The following SERGEF variants were observed in gnomAD, a reference collection of about 807,000 sequenced individuals.
The protein encoded by SERGEF is secretion-regulating guanine nucleotide exchange factor.
A neutral mutation model predicts 50.0 loss-of-function variants in SERGEF; 51 were observed. The ratio of observed to expected loss-of-function variants is 1.02; its 90% CI spans 0.81 to 1.29. The LOEUF is 1.29. Ranked by LOEUF, SERGEF falls within the 50% of genes most tolerant of loss-of-function variation. The probability of loss-of-function intolerance (pLI) is 0.00; values close to 1 mark genes in which losing one functional copy is unlikely to be tolerated. For missense variants in SERGEF, 521 were observed against 557.0 expected (o/e 0.94, Z 0.65); for synonymous variants, 205 against 212.4 (o/e 0.97, Z 0.30).
At chr11:17,840,753 C>A (rs1314827179) in intron 10 of SERGEF, among the ~76,000 whole-genome samples, 1 of 152,190 alleles carries the variant, frequency 6.6e-6, no homozygotes, top group African/African-American at 2.4e-5. Context: ...GAAAAGTCAG[C>A]AGCTCAGCAT....
chr11:17,855,298 A>C (rs1238124879), intron 10 of SERGEF: 1 of 152,158 alleles, frequency 6.6e-6, no homozygotes, highest in Non-Finnish European at 1.5e-5. Flanking sequence ...AGGTAATTTA[A>C]ATTTCATTTT....
intron 8 of SERGEF, among the ~76,000 whole-genome samples, chr11:17,987,495 A>G (rs1481270763): frequency 2.0e-5 from 3 of 152,218 alleles, no homozygotes; most frequent in Non-Finnish European, 2.9e-5. Flanking sequence ...AATCTCTTTG[A>G]GGAAAGTGAC....
chr11:17,890,712 T>A (rs763151638), intron 9 of SERGEF, among the ~76,000 whole-genome samples: 2 of 152,298 alleles, frequency 1.3e-5, no homozygotes, highest in South Asian at 4.1e-4. Context: ...CATGAGCCAC[T>A]GCGCCTAGCT....
intron 9 of SERGEF, among the ~76,000 whole-genome samples, chr11:17,896,732 G>C (rs1233911975): frequency 7.3e-6 from 1 of 136,106 alleles, no homozygotes; most frequent in African/African-American, 2.8e-5. Flanking sequence ...TAACGGAAGG[G>C]TAACGGAAGG....
intron 9 of SERGEF, among the ~76,000 whole-genome samples, chr11:17,901,396 C>T (rs1851746931): frequency 6.6e-6 from 1 of 152,196 alleles, no homozygotes; most frequent in South Asian, 2.1e-4. Flanking sequence ...TAATGGCTCC[C>T]CTGAGCCTAT....
intron 9 of SERGEF, among the ~76,000 whole-genome samples, chr11:17,918,543 G>C (rs758168296): frequency 6.6e-6 from 1 of 151,838 alleles, no homozygotes; most frequent in Non-Finnish European, 1.5e-5. Flanking sequence ...CTATGGAAAA[G>C]GTGCTGTGCC....
chr11:17,860,388 G>A (rs1453192433), intron 10 of SERGEF, among the ~76,000 whole-genome samples: 1 of 152,120 alleles, frequency 6.6e-6, no homozygotes, highest in Non-Finnish European at 1.5e-5. Context: ...TGAGGATGGA[G>A]GGAAGGGAAA....
intron 10 of SERGEF, among the ~76,000 whole-genome samples, chr11:17,826,509 A>C: frequency 6.6e-6 from 1 of 152,238 alleles, no homozygotes; most frequent in East Asian, 1.9e-4. Flanking sequence ...TATTCAAAAT[A>C]GAGTGCCCAG....
chr11:17,948,454 C>A (rs1426535769), intron 9 of SERGEF, among the ~76,000 whole-genome samples: 1 of 152,126 alleles, frequency 6.6e-6, no homozygotes, highest in Non-Finnish European at 1.5e-5. Context: ...CTCGTGCAGA[C>A]CCGATCGTCA....
intron 8 of SERGEF, among the ~76,000 whole-genome samples, chr11:17,973,575 T>A (rs1307838837): frequency 6.6e-6 from 1 of 152,156 alleles, no homozygotes; most frequent in Non-Finnish European, 1.5e-5. Flanking sequence ...TATCCTAGGA[T>A]GCCAATTTGT....
At chr11:17,810,324 C>A (rs1424114646) in intron 10 of SERGEF, among the ~76,000 whole-genome samples, 4 of 152,218 alleles carry the variant, frequency 2.6e-5, no homozygotes, top group Non-Finnish European at 5.9e-5. Flanking sequence ...TCTGTCTATC[C>A]TCACACCTCC....
intron 9 of SERGEF, among the ~76,000 whole-genome samples, chr11:17,907,433 C>T (rs1017871102): frequency 1.1e-4 from 16 of 152,198 alleles, no homozygotes; most frequent in African/African-American, 3.9e-4. Flanking sequence ...CTGAATGTCA[C>T]CAATTGCATT....
At position 18,009,359 on chromosome 11, in the gene SERGEF, C is replaced by A. The variant is rs571644900; in HGVS notation, c.61-1283G>T. Among the ~76,000 whole-genome samples, 11 of 152,282 alleles carry A rather than the reference C, an allele frequency of 7.2e-5. No homozygotes were observed. The South Asian group carries it at 1.9e-3, about 26-fold the overall frequency. On this transcript the variant is annotated intron_variant, in intron 1 of 10. Transcript: ENST00000265965. The stretch of plus-strand genomic sequence containing the variant: ...CTTTCCCTTCTTATGCTCCAGCCCC[C>A]AGGTACTGCCTTTTGGAGACAGCAC...
At chr11:18,000,819 A>G in intron 4 of SERGEF, 1 of 621,452 alleles carries the variant, frequency 1.6e-6, no homozygotes, top group East Asian at 3.5e-5. Flanking sequence ...CATCTAGTCC[A>G]AGAGTTAGTA....
At chr11:17,840,420 C>G (rs1850479047) in intron 10 of SERGEF, among the ~76,000 whole-genome samples, 1 of 152,164 alleles carries the variant, frequency 6.6e-6, no homozygotes, top group Non-Finnish European at 1.5e-5. Context: ...CCTCTGCCCA[C>G]CACCCCCTTC....
At position 17,838,724 on chromosome 11, in the gene SERGEF, G is replaced by A. The variant is rs185514231; in HGVS notation, c.1048+39484C>T. On this transcript the variant is annotated intron_variant, in intron 10 of 10. Coordinates refer to ENST00000265965, the MANE Select transcript of SERGEF (RefSeq NM_012139.4). ...ACAGGTCTAGTGTGAGAATGAAAAC[G>A]AGATACGGTGTAGAGCACCTACTAC... Among the ~76,000 whole-genome samples, 432 of 152,238 alleles carry A rather than the reference G, an allele frequency of 2.8e-3. 3 individuals are homozygous for A. Among genetic ancestry groups the A allele is most frequent in the African/African-American group, 9.8e-3 (408 of 41,542 alleles).
chr11:17,970,438 G>A (rs1478215620), intron 8 of SERGEF, among the ~76,000 whole-genome samples: 2 of 151,964 alleles, frequency 1.3e-5, no homozygotes, highest in African/African-American at 2.4e-5. Context: ...CCCTATTTCC[G>A]GAGACAAAAC....
intron 10 of SERGEF, among the ~76,000 whole-genome samples, chr11:17,832,770 T>C (rs536223018): frequency 6.6e-6 from 1 of 152,350 alleles, no homozygotes; most frequent in South Asian, 2.1e-4. Context: ...TGACTCTTGT[T>C]ATGTTTTAAC....
intron 4 of SERGEF, 59 bp downstream of exon 4, chr11:18,004,382 T>A (rs1212151090): frequency 2.1e-5 from 27 of 1,268,054 alleles, no homozygotes; most frequent in Non-Finnish European, 3.1e-5. Flanking sequence ...GAGAGATAGG[T>A]TAATACCTTG....
Sources: allele counts gnomAD v4.1 joint callset (sites outside exome capture counted in the v4.1 genomes callset), GRCh38; gene constraint gnomAD v4.1.1; transcripts MANE v1.5; gene names NCBI Gene and HGNC (gene_info 2026-07-23, HGNC 2026-07-21).